The following PPP5C variants were observed in gnomAD, a reference collection of about 807,000 sequenced individuals.
PPP5C encodes serine/threonine-protein phosphatase 5.
In PPP5C, 21 loss-of-function variants were observed where a neutral mutation model predicts 66.7. That is an observed-to-expected ratio of 0.31 (90% CI 0.22 to 0.45). The LOEUF is 0.45. Among genes scored for constraint, PPP5C ranks in the 20% least tolerant of loss-of-function variants. The pLI is 1.00. For synonymous variants in PPP5C, 246 were observed against 257.4 expected (o/e 0.96, Z 0.43); for missense variants, 464 against 675.9 (o/e 0.69, Z 3.48).
intron 2 of PPP5C, among the ~76,000 whole-genome samples, chr19:46,370,697 C>CT (rs1972574040): frequency 6.6e-6 from 1 of 151,868 alleles, no homozygotes; most frequent in Non-Finnish European, 1.5e-5. Context: ...ATATGTGGGC[C>CT]ACTGCTGACT....
chr19:46,375,503 T>A, intron 2 of PPP5C, 101 bp from the exon 3 acceptor site: 2 of 1,507,636 alleles, frequency 1.3e-6, no homozygotes, highest in Non-Finnish European at 1.8e-6. Flanking sequence ...GCCCAGGCGG[T>A]CTGACTTCCA....
chr19:46,364,352 A>G (rs771227174), intron 2 of PPP5C, among the ~76,000 whole-genome samples: 17 of 152,174 alleles, frequency 1.1e-4, no homozygotes, highest in Non-Finnish European at 2.4e-4. Flanking sequence ...GCAGTGGCTC[A>G]CCCCTGTAAT....
At chr19:46,363,262 C>T (rs1972425321) in intron 2 of PPP5C, among the ~76,000 whole-genome samples, 2 of 98,254 alleles carry the variant, frequency 2.0e-5, no homozygotes, top group South Asian at 8.9e-4. Context: ...GAGCCGAGAT[C>T]CCGCCACTGC....
intron 4 of PPP5C, among the ~76,000 whole-genome samples, chr19:46,380,117 C>T (rs1301707444): frequency 1.3e-5 from 2 of 152,062 alleles, no homozygotes; most frequent in African/African-American, 2.4e-5. Flanking sequence ...CTAGCCTGGT[C>T]AACATGGCAA....
chr19:46,356,809 T>C (rs1224705139), intron 2 of PPP5C, among the ~76,000 whole-genome samples: 1 of 152,212 alleles, frequency 6.6e-6, no homozygotes, highest in African/African-American at 2.4e-5. Context: ...AGATGAGTGA[T>C]GGATGTGATA....
intron 2 of PPP5C, 102 bp from the exon 3 acceptor site, chr19:46,375,502 G>A: frequency 6.6e-7 from 1 of 1,504,760 alleles, no homozygotes; most frequent in Non-Finnish European, 8.9e-7. Context: ...CGCCCAGGCG[G>A]TCTGACTTCC....
rs1972922539 is a variant in PPP5C, at chr19:46,388,045, C to A, written c.1136-363C>A. On this transcript the variant is annotated intron_variant, in intron 9 of 12. Coordinates refer to ENST00000012443, the MANE Select transcript of PPP5C (RefSeq NM_006247.4). The surrounding 1 kb of genome is among the most constrained non-coding windows in gnomAD (Gnocchi z 4.9). ...ACATTGGACATGGGGTTCACTGGGC[C>A]CAAATCCTATGGCGCTTTACAGGCC... The A allele has an allele frequency of 3.4e-6, 1 of 292,156 alleles. No individual in the cohort carries two copies. The highest frequency in any genetic ancestry group is 6.5e-6 in the Non-Finnish European group (1 of 154,234). The allele number at this position is 292,156 out of a possible 1,614,324, so 18.1% of individuals were successfully genotyped here. A position where few individuals can be genotyped will look rare whatever the true frequency, so the allele number is the denominator to read the frequency against.
chr19:46,351,547 G>C (rs1213087741), intron 1 of PPP5C, among the ~76,000 whole-genome samples: 1 of 152,234 alleles, frequency 6.6e-6, no homozygotes, highest in Non-Finnish European at 1.5e-5. Context: ...TTAGAGATCT[G>C]CAGAGCCGGG....
chr19:46,347,636 C>G (rs1359709532), intron 1 of PPP5C, among the ~76,000 whole-genome samples: 1 of 122,462 alleles, frequency 8.2e-6, no homozygotes, highest in Admixed American at 1.1e-4. Context: ...ATAGAGAAGG[C>G]AATCGTGGGG....
intron 1 of PPP5C, among the ~76,000 whole-genome samples, chr19:46,349,169 C>A (rs1972139190): frequency 6.6e-6 from 1 of 152,042 alleles, no homozygotes. Flanking sequence ...TGGCACACAC[C>A]TGTAGTCCCA....
chr19:46,390,964 T>C lies in PPP5C; in HGVS notation c.*618T>C. 8.3e-7 allele frequency: 1 copy of C among 1,198,184 alleles called. No individual in the cohort carries two copies. Among genetic ancestry groups the C allele is most frequent in the Non-Finnish European group, 1.1e-6 (1 of 943,286 alleles). The allele number at this position is 1,198,184 out of a possible 1,614,324, so 74.2% of individuals were successfully genotyped here. ...GTCCCGCTGGCCGGGCCCACCCAGC[T>C]CTGGGCTGACCGCCCAAGTGGCCTC... On this transcript the variant is annotated 3_prime_UTR_variant, in exon 13 of 13. Coordinates refer to ENST00000012443, the MANE Select transcript of PPP5C (RefSeq NM_006247.4).
intron 4 of PPP5C, chr19:46,382,998 T>A: frequency 1.8e-6 from 2 of 1,104,040 alleles, no homozygotes; most frequent in Non-Finnish European, 2.3e-6. Context: ...CAGTGTTGCC[T>A]ATGACCTGCC....
chr19:46,370,339 CGAA>C (rs1972566374), intron 2 of PPP5C, among the ~76,000 whole-genome samples: 1 of 152,026 alleles, frequency 6.6e-6, no homozygotes. Flanking sequence ...TTGTTAAAAA[CGAA>C]GACACAAACG....
In PPP5C at chr19:46,383,835, A is replaced by G. The variant is rs1354971770; in HGVS notation, c.755A>G (p.Asn252Ser). ...DTHGQFYDLLNIFELNGLPSE... is the reference protein window; with the variant it reads ...DTHGQFYDLLSIFELNGLPSE... ...CATGGCCAGTTCTATGACCTCCTCA[A>G]CATATTCGAGCTCAACGGTTTACCC... The change falls in exon 6 of 13, where the codon AAC becomes AGC. Residue 252 changes from asparagine (N) to serine (S), a missense_variant. Asn to Ser is a conservative substitution (Grantham distance 46, BLOSUM62 1). Around this residue, in one of 2 missense-constraint regions of PPP5C, gnomAD observed 387 missense variants for 626.0 expected, o/e 0.62. Coordinates refer to ENST00000012443, the MANE Select transcript of PPP5C (RefSeq NM_006247.4). This position sits in a 1 kb window ranked among gnomAD's most constrained non-coding sequence, Gnocchi z 5.0. 2.5e-6 allele frequency: 4 copies of G among 1,613,908 alleles called. No individual in the cohort carries two copies. In the South Asian group the frequency reaches 3.3e-5, roughly 13 times the overall value.
intron 2 of PPP5C, among the ~76,000 whole-genome samples, chr19:46,371,051 G>C (rs895982131): frequency 8.5e-5 from 13 of 152,124 alleles, no homozygotes; most frequent in South Asian, 2.1e-4. Flanking sequence ...GTGTGTGTGT[G>C]TCTCTCTCAT....
chr19:46,350,703 G>T (rs1049966382), intron 1 of PPP5C, among the ~76,000 whole-genome samples: 1 of 152,196 alleles, frequency 6.6e-6, no homozygotes, highest in Non-Finnish European at 1.5e-5. Flanking sequence ...CTGGGAGATG[G>T]CTAGGAGTGG....
Position 46,383,422 on chromosome 19 carries a change from G to C in PPP5C, c.645G>C (p.Gln215His), listed in dbSNP as rs1395392400. ...GCCCTGCCTTCCAGATTCTGGTACA[G>C]GTCAAAGAGGTCCTCTCCAAGCTGA... ...HRKCAYQILV[Q>H]VKEVLSKLST... Residue 215 changes from glutamine (Q) to histidine (H), a missense_variant, in exon 5 of 13, where the codon CAG (glutamine) becomes CAC (histidine). Transcript: ENST00000012443. The surrounding 1 kb of genome is among the most constrained non-coding windows in gnomAD (Gnocchi z 5.0). The C allele has an allele frequency of 6.2e-6, 10 of 1,612,248 alleles. No homozygotes were observed. In the East Asian group the frequency reaches 2.0e-4, roughly 32 times the overall value.
chr19:46,360,772 A>G (rs1972370332), intron 2 of PPP5C, among the ~76,000 whole-genome samples: 1 of 152,240 alleles, frequency 6.6e-6, no homozygotes, highest in Non-Finnish European at 1.5e-5. Context: ...CCAGGATTAC[A>G]TGTGTTAGCC....
At chr19:46,364,209 T>C (rs938926301) in intron 2 of PPP5C, among the ~76,000 whole-genome samples, 2 of 146,502 alleles carry the variant, frequency 1.4e-5, no homozygotes, top group East Asian at 3.9e-4. Context: ...TATATATACG[T>C]GTGTGTGTGT....
Sources: gnomAD v4.1 joint callset for allele counts (sites outside exome capture counted in the v4.1 genomes callset) on GRCh38, gnomAD v4.1.1 for gene constraint, gnomAD v4.1.1 regional missense constraint, Gnocchi (gnomAD v3.1) non-coding constraint, MANE v1.5 for transcripts, NCBI Gene and HGNC (gene_info 2026-07-23, HGNC 2026-07-21) for gene names.